The following C1orf87 variants were observed in gnomAD, a reference collection of about 807,000 sequenced individuals.
C1orf87 encodes uncharacterized protein C1orf87.
In C1orf87, 58 loss-of-function variants were observed where a neutral mutation model predicts 60.5. The observed-to-expected ratio is 0.96, with a 90% CI of 0.78 to 1.19. The LOEUF is 1.19. Among genes scored for constraint, C1orf87 ranks in the 50% most tolerant of loss-of-function variants. The probability of loss-of-function intolerance (pLI) is 0.00; values close to 1 mark genes in which losing one functional copy is unlikely to be tolerated. For missense variants in C1orf87, 673 were observed against 638.6 expected, an observed-to-expected ratio of 1.05 and a Z score of -0.58; for synonymous variants, 236 against 227.4, an observed-to-expected ratio of 1.04 and a Z score of -0.34.
At chr1:60,005,989 C>T (rs1475480580) in intron 9 of C1orf87, among the ~76,000 whole-genome samples, 9 of 152,004 alleles carry the variant, frequency 5.9e-5, no homozygotes, top group African/African-American at 1.7e-4. Context: ...TCATGGTATC[C>T]CAATCACAGT....
intron 8 of C1orf87, among the ~76,000 whole-genome samples, chr1:60,017,702 T>C (rs1339712675): frequency 1.3e-5 from 2 of 152,330 alleles, no homozygotes; most frequent in East Asian, 3.9e-4. Context: ...ACACGGATAA[T>C]AATTTCCATC....
Position 60,001,165 on chromosome 1 carries a change from G to C in C1orf87, c.1193-9C>G, listed in dbSNP as rs778964326. On this transcript the variant is annotated splice_polypyrimidine_tract_variant and intron_variant, in intron 9 of 11. Transcript: ENST00000371201. ...TTTCTTTTCATTCTTCCCTGAACAA[G>C]AATAAAAAAAAAAAAAGGAAGGGTT... 2 of 1,426,102 alleles carry C rather than the reference G, an allele frequency of 1.4e-6. No homozygotes were observed. The highest frequency in any genetic ancestry group is 2.6e-5 in the East Asian group (1 of 38,158). The allele number at this position is 1,426,102 out of a possible 1,614,324, so 88.3% of individuals were successfully genotyped here.
At chr1:60,021,046 T>C (rs1459807957) in intron 8 of C1orf87, among the ~76,000 whole-genome samples, 3 of 152,290 alleles carry the variant, frequency 2.0e-5, no homozygotes, top group East Asian at 1.9e-4. Context: ...CCCCCCTCAC[T>C]GTCTCTCTCT....
intron 8 of C1orf87, among the ~76,000 whole-genome samples, chr1:60,023,552 G>GA (rs1008024314): frequency 6.6e-6 from 1 of 151,882 alleles, no homozygotes; most frequent in Admixed American, 6.6e-5. Context: ...AGATTTTATA[G>GA]AAAAAAATTT....
Position 60,017,072 on chromosome 1 carries a change from T to C in C1orf87, c.1128-6616A>G, listed in dbSNP as rs529642472. Among the ~76,000 whole-genome samples the C allele has an allele frequency of 2.9e-4, 44 of 152,338 alleles. 1 individual carries two copies. In the South Asian group the frequency reaches 9.1e-3, roughly 32 times the overall value. The stretch of plus-strand genomic sequence containing the variant: ...ACGAATTCATTTATTAGTTGTGTAT[T>C]GGTTTTAGCCTCTCTGTGCTGCTGT... On this transcript the variant is annotated intron_variant, in intron 8 of 11. Coordinates refer to ENST00000371201, the MANE Select transcript of C1orf87 (RefSeq NM_152377.3).
rs909834929 is a variant in C1orf87, at chr1:60,042,230, T to A, written c.343-1099A>T. On this transcript the variant is annotated intron_variant, in intron 3 of 11. Transcript: ENST00000371201. The stretch of plus-strand genomic sequence containing the variant: ...TCAAGACACATGGTTATTTTATTTA[T>A]TTTATTTATTTATTTATTTTTGAGA... 7.2e-5 allele frequency among the ~76,000 whole-genome samples: 11 copies of A among 152,270 alleles called. No homozygotes were observed. In the East Asian group the frequency reaches 9.6e-4, roughly 13 times the overall value.
chr1:60,072,517 T>A lies in C1orf87; in HGVS notation c.107+20A>T. On this transcript the variant is annotated intron_variant, in intron 2 of 11. Transcript: ENST00000371201. The stretch of plus-strand genomic sequence containing the variant: ...CATTATCATCCAAGCAACATAGATA[T>A]TTTTCAAATATGGACTTACATCTTT... 1 of 1,538,988 alleles carries A rather than the reference T, an allele frequency of 6.5e-7. No individual in the cohort carries two copies. The highest frequency in any genetic ancestry group is 1.2e-5 in the South Asian group (1 of 85,678).
At chr1:60,037,798 T>G (rs1645288206) in intron 6 of C1orf87, among the ~76,000 whole-genome samples, 194 bp downstream of exon 6, 2 of 152,242 alleles carry the variant, frequency 1.3e-5, no homozygotes, top group South Asian at 4.1e-4. Flanking sequence ...GTCAGCAGTG[T>G]GCATCCTGGA....
intron 2 of C1orf87, 107 bp downstream of exon 2, chr1:60,072,430 G>A (rs539659500): frequency 5.4e-5 from 44 of 819,812 alleles, no homozygotes; most frequent in Admixed American, 1.1e-4. Context: ...TAATGACTTC[G>A]TTTTCCATGG....
At chr1:60,038,610 CCTCT>C (rs1201865500) in intron 5 of C1orf87, among the ~76,000 whole-genome samples, 1 of 151,442 alleles carries the variant, frequency 6.6e-6, no homozygotes, top group African/African-American at 2.4e-5. Context: ...TAACCTCTAG[CCTCT>C]CTCTCTCTCC....
At position 60,011,998 on chromosome 1, in the gene C1orf87, A is replaced by G. The variant is rs189531923; in HGVS notation, c.1128-1542T>C. Among the ~76,000 whole-genome samples the G allele has an allele frequency of 9.5e-4, 144 of 152,200 alleles. 4 individuals are homozygous for G. In the East Asian group the frequency reaches 0.025, roughly 27 times the overall value. ...GTCTAGGCAGGTAAGAGAAAGTTGA[A>G]CAAGAAGTAGCAAGCACTTTTGAGG... is the stretch of plus-strand genomic sequence containing the variant. On this transcript the variant is annotated intron_variant, in intron 8 of 11. Transcript: ENST00000371201.
intron 11 of C1orf87, among the ~76,000 whole-genome samples, chr1:59,991,754 T>C (rs1034234543): frequency 6.6e-6 from 1 of 152,178 alleles, no homozygotes; most frequent in African/African-American, 2.4e-5. Flanking sequence ...CCACACATTA[T>C]ATATGCCAAT....
chr1:59,999,492 T>C (rs1574292815), intron 10 of C1orf87, among the ~76,000 whole-genome samples: 1 of 152,148 alleles, frequency 6.6e-6, no homozygotes, highest in Non-Finnish European at 1.5e-5. Flanking sequence ...ACAGGTGCCC[T>C]TGGATCTGAG....
chr1:60,037,933 C>T (rs1645289408), intron 6 of C1orf87, 59 bp downstream of exon 6: 3 of 1,104,638 alleles, frequency 2.7e-6, no homozygotes, highest in African/African-American at 1.6e-5. Context: ...TTTTTTATAG[C>T]AGCCCACACA....
chr1:60,001,152 C>A lies in C1orf87; in HGVS notation c.1197G>T (p.Lys399Asn). The A allele has an allele frequency of 1.3e-6, 2 of 1,564,070 alleles. No individual in the cohort carries two copies. Among genetic ancestry groups the A allele is most frequent in the Admixed American group, 2.1e-5 (1 of 48,184 alleles). The change falls in exon 10 of 12, where the codon AAG (lysine) becomes AAT (asparagine). Residue 399 changes from lysine to asparagine, a missense_variant. Transcript: ENST00000371201. ...GAGGGGCAGGGGCTTTCTTTTCATT[C>A]TTCCCTGAACAAGAATAAAAAAAAA... is the stretch of plus-strand genomic sequence containing the variant. ...SDLLSDLPTG[K>N]NEKKAPAPPM...
At chr1:60,043,398 T>A (rs563569407) in intron 3 of C1orf87, among the ~76,000 whole-genome samples, 2 of 152,306 alleles carry the variant, frequency 1.3e-5, no homozygotes, top group East Asian at 3.9e-4. Context: ...CTCTTTTTTT[T>A]TTGAGACCGA....
At position 60,041,148 on chromosome 1, in the gene C1orf87, C is replaced by T. The variant is rs372293259; in HGVS notation, c.343-17G>A. ...ACTGGGAATCTTAACAGAACAAGGA[C>T]AAAGGGAAGCAAGGAGCAGAAGAGG... On this transcript the variant is annotated splice_polypyrimidine_tract_variant and intron_variant, in intron 3 of 11. Coordinates refer to ENST00000371201, the MANE Select transcript of C1orf87 (RefSeq NM_152377.3). 1.4e-5 allele frequency: 21 copies of T among 1,520,114 alleles called. No homozygotes were observed. Among genetic ancestry groups the T allele is most frequent in the Non-Finnish European group, 1.9e-5 (21 of 1,120,348 alleles). 94.2% of individuals were successfully genotyped at this position (1,520,114 alleles called of 1,614,324 possible). A position where few individuals can be genotyped will look rare whatever the true frequency, so the allele number is the denominator to read the frequency against.
chr1:59,991,156 G>C (rs756680424), intron 11 of C1orf87, among the ~76,000 whole-genome samples: 1 of 152,054 alleles, frequency 6.6e-6, no homozygotes, highest in Non-Finnish European at 1.5e-5. Flanking sequence ...AAACACTGGG[G>C]GTGCCTAGCA....
intron 8 of C1orf87, 82 bp from the exon 9 acceptor site, chr1:60,010,538 T>C (rs1645076176): frequency 8.2e-7 from 1 of 1,215,160 alleles, no homozygotes; most frequent in Admixed American, 1.8e-5. Context: ...TTTATATTGG[T>C]AGTGATATTG....
Sources: allele counts gnomAD v4.1 joint callset (sites outside exome capture counted in the v4.1 genomes callset), GRCh38; gene constraint gnomAD v4.1.1; transcripts MANE v1.5; gene names NCBI Gene and HGNC (gene_info 2026-07-23, HGNC 2026-07-21).